Variants in ANKRD30A observed in about 807,000 individuals in gnomAD.
The protein encoded by ANKRD30A is ankyrin repeat domain-containing protein 30A.
In ANKRD30A, 170 loss-of-function variants were observed where a neutral mutation model predicts 166.3. The observed-to-expected ratio is 1.02, with a 90% CI of 0.90 to 1.16. ANKRD30A has a LOEUF of 1.16. ANKRD30A is among the 50% of genes most tolerant of loss of function. ANKRD30A has a pLI of 0.00. For missense variants in ANKRD30A, 1,630 were observed against 1,518.0 expected, an observed-to-expected ratio of 1.07 and a Z score of -1.23; for synonymous variants, 564 against 508.9, an observed-to-expected ratio of 1.11 and a Z score of -1.46.
At chr10:37,261,107 A>G in the ANKRD30A span, among the ~76,000 whole-genome samples, 4 of 152,216 alleles carry the variant, frequency 2.6e-5, no homozygotes. Context: ...ACTGAGGCTT[A>G]TCTTAAAAAT....
At chr10:37,230,347 A>AAT in intron 34 of ANKRD30A, among the ~76,000 whole-genome samples, 1 of 152,016 alleles carries the variant, frequency 6.6e-6, no homozygotes, top group East Asian at 1.9e-4. Flanking sequence ...TTAACTAGAT[A>AAT]ATATAATTAT....
Position 37,216,328 on chromosome 10 carries a change from C to A in ANKRD30A, c.3017C>A (p.Ala1006Glu). ...FCVLKKKLSE[A>E]KEIKSQLENQ... ...GTACTGAAAAAGAAACTGTCAGAAGCAAAAGAAATAAAATCACAGTTAGAG... is the reference window on the plus strand; with the variant it reads ...GTACTGAAAAAGAAACTGTCAGAAGAAAAAGAAATAAAATCACAGTTAGAG... Residue 1006 changes from alanine (A) to glutamate (E), a missense_variant, in exon 32 of 36, where the codon GCA becomes GAA. Transcript: ENST00000361713. The A allele has an allele frequency of 1.2e-6, 2 of 1,608,146 alleles. No individual in the cohort carries two copies. Among genetic ancestry groups the A allele is most frequent in the South Asian group, 2.2e-5 (2 of 90,826 alleles).
chr10:37,205,789 TGTTAACA>T (rs1422196893), intron 31 of ANKRD30A, among the ~76,000 whole-genome samples: 3 of 152,194 alleles, frequency 2.0e-5, no homozygotes, highest in African/African-American at 7.2e-5. Flanking sequence ...CTATAAAACT[TGTTAACA>T]GTGCACATTC....
chr10:37,250,889 C>A, the ANKRD30A span, among the ~76,000 whole-genome samples: 1 of 152,176 alleles, frequency 6.6e-6, no homozygotes, highest in African/African-American at 2.4e-5. Context: ...AAGACACTTT[C>A]CTCTCACTTT....
chr10:37,257,674 A>G, the ANKRD30A span, among the ~76,000 whole-genome samples: 1 of 152,182 alleles, frequency 6.6e-6, no homozygotes, highest in East Asian at 1.9e-4. Flanking sequence ...GTAATTCAGG[A>G]GCAGCTTGTT....
chr10:37,151,292 G>A (rs1393780263), intron 11 of ANKRD30A, among the ~76,000 whole-genome samples: 6 of 152,024 alleles, frequency 3.9e-5, no homozygotes, highest in Non-Finnish European at 7.4e-5. Context: ...CTGAGAACTC[G>A]TCAAGTCTTG....
downstream of ANKRD30A, among the ~76,000 whole-genome samples, chr10:37,232,903 A>C (rs1346223636): frequency 1.3e-4 from 20 of 149,810 alleles, no homozygotes; most frequent in South Asian, 2.7e-3. Flanking sequence ...AAAAAAAAAA[A>C]AAAACAAAAT....
chr10:37,219,421 G>A lies in ANKRD30A; in HGVS notation c.3709G>A (p.Val1237Ile). The A allele has an allele frequency of 1.9e-6, 3 of 1,610,446 alleles. No individual in the cohort carries two copies. The highest frequency in any genetic ancestry group is 2.5e-6 in the Non-Finnish European group (3 of 1,177,732). ...TGCTTGTTTGCAAAGAAAAATGAAT[G>A]TTGATGTGAGTAGTACGATATATAA... ...GDACLQRKMNVDVSSTIYNNE... is the reference protein window; with the variant it reads ...GDACLQRKMNIDVSSTIYNNE... Residue 1237 changes from valine to isoleucine, a missense_variant, in exon 34 of 36, where the codon GTT (valine) becomes ATT (isoleucine). Val to Ile is a conservative substitution (Grantham distance 29, BLOSUM62 3). Transcript: ENST00000361713.
At chr10:37,154,835 T>C (rs1838240376) in intron 13 of ANKRD30A, among the ~76,000 whole-genome samples, 2 of 152,332 alleles carry the variant, frequency 1.3e-5, no homozygotes, top group East Asian at 1.9e-4. Flanking sequence ...TGGAGACTAC[T>C]GGAATCATGA....
At chr10:37,165,219 T>C in intron 18 of ANKRD30A, 64 bp downstream of exon 18, 3 of 1,454,582 alleles carry the variant, frequency 2.1e-6, no homozygotes, top group Non-Finnish European at 2.9e-6. Context: ...TAAAATCAGA[T>C]GCTTAGTCTT....
intron 21 of ANKRD30A, among the ~76,000 whole-genome samples, chr10:37,171,940 A>G (rs1159296708): frequency 7.0e-6 from 1 of 143,184 alleles, no homozygotes; most frequent in Non-Finnish European, 1.5e-5. Flanking sequence ...ATGCCTTGAG[A>G]ATAAAGCATC....
At chr10:37,197,907 G>A (rs879584306) in intron 29 of ANKRD30A, among the ~76,000 whole-genome samples, 1 of 151,908 alleles carries the variant, frequency 6.6e-6, no homozygotes, top group Non-Finnish European at 1.5e-5. Context: ...TTGTCACTTT[G>A]AGAATCCTAA....
chr10:37,214,100 A>T (rs1842482245), intron 31 of ANKRD30A, among the ~76,000 whole-genome samples: 1 of 151,620 alleles, frequency 6.6e-6, no homozygotes, highest in Non-Finnish European at 1.5e-5. Context: ...TATTATGCAC[A>T]TAAATATTTA....
At chr10:37,151,922 A>T (rs1220653487) in intron 11 of ANKRD30A, 138 bp from the exon 12 acceptor site, 1 of 667,566 alleles carries the variant, frequency 1.5e-6, no homozygotes, top group East Asian at 3.1e-5. Flanking sequence ...AGAAGTAGTT[A>T]TTGTAATCGA....
chr10:37,211,731 C>G (rs968832212), intron 31 of ANKRD30A, among the ~76,000 whole-genome samples: 2 of 152,118 alleles, frequency 1.3e-5, no homozygotes, highest in Non-Finnish European at 2.9e-5. Flanking sequence ...AATGGTTGAA[C>G]TAATTTACAG....
chr10:37,201,179 A>G (rs1020082798), intron 30 of ANKRD30A, 56 bp from the exon 31 acceptor site: 5 of 1,346,258 alleles, frequency 3.7e-6, no homozygotes, highest in Non-Finnish European at 5.0e-6. Flanking sequence ...AATTTTGATA[A>G]TCTTCATTAT....
intron 29 of ANKRD30A, among the ~76,000 whole-genome samples, chr10:37,197,715 C>G (rs1393065594): frequency 1.3e-5 from 2 of 151,982 alleles, no homozygotes; most frequent in Admixed American, 6.6e-5. Flanking sequence ...TATCCTGAAA[C>G]TGTAATGTTT....
At chr10:37,178,430 T>G (rs1289501913) in intron 24 of ANKRD30A, 1 of 705,764 alleles carries the variant, frequency 1.4e-6, no homozygotes, top group African/African-American at 1.9e-5. Flanking sequence ...ACACTGAGAT[T>G]CAGCCGACCT....
intron 5 of ANKRD30A, 53 bp from the exon 6 acceptor site, chr10:37,136,554 T>G: frequency 1.2e-6 from 1 of 835,530 alleles, no homozygotes. Flanking sequence ...TAAATGTTTT[T>G]TATAAAGTCA....
Sources: allele counts gnomAD v4.1 joint callset (sites outside exome capture counted in the v4.1 genomes callset), GRCh38; gene constraint gnomAD v4.1.1; transcripts MANE v1.5; gene names NCBI Gene and HGNC (gene_info 2026-07-23, HGNC 2026-07-21).